PCDHA6: variants seen among roughly 807,000 people sequenced by gnomAD.
PCDHA6 encodes the protein protocadherin alpha-6.
A neutral mutation model predicts 60.3 loss-of-function variants in PCDHA6; 55 were observed. That is an observed-to-expected ratio of 0.91 (90% confidence interval 0.73 to 1.14). The LOEUF (loss-of-function observed/expected upper bound fraction) is 1.14, where lower values mean the gene tolerates loss of function less well. Among genes scored for constraint, PCDHA6 ranks in the 50% most tolerant of loss-of-function variants. The probability of loss-of-function intolerance (pLI) is 0.00; values close to 1 mark genes in which losing one functional copy is unlikely to be tolerated. For synonymous variants in PCDHA6, 652 were observed against 557.9 expected, an observed-to-expected ratio of 1.17 and a Z score of -2.38; for missense variants, 1,327 against 1,256.5, an observed-to-expected ratio of 1.06 and a Z score of -0.85.
At chr5:140,863,799 G>A (rs1246230954) in intron 1 of PCDHA6, 10 of 212,460 alleles carry the variant, frequency 4.7e-5, no homozygotes, top group Non-Finnish European at 8.6e-5. Context: ...AGGAGTTTGA[G>A]ACCAGCCTGG....
chr5:140,848,667 G>A lies in PCDHA6; in HGVS notation c.2394+18182G>A, dbSNP rs1173870910. On this transcript the variant is annotated intron_variant, in intron 1 of 3. Coordinates refer to ENST00000529310, the MANE Select transcript of PCDHA6 (RefSeq NM_018909.4). ...GCAGGACCTGGGGCTGGAGCTGGCG[G>A]AGCTGGTGCCGCGCCTGTTCCAGTT... The A allele has an allele frequency of 1.0e-5, 16 of 1,592,228 alleles. No individual in the cohort carries two copies. Among genetic ancestry groups the A allele is most frequent in the Non-Finnish European group, 1.3e-5 (15 of 1,163,428 alleles).
Position 140,978,951 on chromosome 5 carries a change from A to G in PCDHA6, c.2397A>G (p.Pro799=). Residue 799 remains proline, a splice_region_variant and synonymous_variant, in exon 2 of 4, where the codon CCA becomes CCG. Coordinates refer to ENST00000529310, the MANE Select transcript of PCDHA6 (RefSeq NM_018909.4). ...QDLNEDHDAK[P]RQPNPDWRYS... ...AAACTCTCTTTGTGATTTTGCAGCC[A>G]CGACAGCCCAACCCTGACTGGCGTT... is the stretch of plus-strand genomic sequence containing the variant. 1.2e-6 allele frequency: 2 copies of G among 1,614,182 alleles called. No homozygotes were observed. The highest frequency in any genetic ancestry group is 1.7e-6 in the Non-Finnish European group (2 of 1,180,032).
rs782451974 is a variant in PCDHA6, at chr5:141,009,822, T to A, written c.2738T>A (p.Phe913Tyr). 6.2e-7 allele frequency: 1 copy of A among 1,613,720 alleles called. No individual in the cohort carries two copies. The highest frequency in any genetic ancestry group is 2.2e-5 in the East Asian group (1 of 44,866). Residue 913 changes from phenylalanine (F) to tyrosine (Y), a missense_variant, in exon 4 of 4, where the codon TTC (phenylalanine) becomes TAC (tyrosine). Physicochemically the swap from Phe to Tyr is conservative, Grantham distance 22. Transcript: ENST00000529310. ...AACAGCCAAATTGACAAAAGTGACTTCATAACCTTCGGCAAAAAGGAGGAG... is the reference window on the plus strand; with the variant it reads ...AACAGCCAAATTGACAAAAGTGACTACATAACCTTCGGCAAAAAGGAGGAG... ...PTNSQIDKSDFITFGKKEETK... is the reference protein window; with the variant it reads ...PTNSQIDKSDYITFGKKEETK...
At chr5:141,008,435 G>C (rs2098377041) in intron 3 of PCDHA6, among the ~76,000 whole-genome samples, 1 of 152,160 alleles carries the variant, frequency 6.6e-6, no homozygotes, top group South Asian at 2.1e-4. Context: ...ACTTTGCCCA[G>C]ACAGACCATT....
In PCDHA6 at chr5:140,875,579, A is replaced by C. The variant is rs552791418; in HGVS notation, c.2394+45094A>C. ...AGCGGCCAGCTCCACTACTCCGTCTACGAGGAGGCCAAACACGGCACCTTC... is the reference window on the plus strand; with the variant it reads ...AGCGGCCAGCTCCACTACTCCGTCTCCGAGGAGGCCAAACACGGCACCTTC... On this transcript the variant is annotated intron_variant, in intron 1 of 3. Coordinates refer to ENST00000529310, the MANE Select transcript of PCDHA6 (RefSeq NM_018909.4). The C allele has an allele frequency of 9.3e-6, 15 of 1,614,050 alleles. No individual in the cohort carries two copies. Among genetic ancestry groups the C allele is most frequent in the East Asian group, 6.7e-5 (3 of 44,884 alleles).
intron 1 of PCDHA6, among the ~76,000 whole-genome samples, chr5:140,873,139 A>G (rs1325307438): frequency 6.6e-6 from 1 of 152,216 alleles, no homozygotes; most frequent in Non-Finnish European, 1.5e-5. Context: ...TCTATGCTGA[A>G]GCCTATTCAT....
chr5:140,858,108 C>T (rs781859966), intron 1 of PCDHA6: 1 of 1,597,706 alleles, frequency 6.3e-7, no homozygotes, highest in South Asian at 1.1e-5. Context: ...GGCGTGGCGC[C>T]CGAGGTGGCC....
intron 1 of PCDHA6, chr5:140,866,771 G>T (rs1274249290): frequency 2.0e-5 from 3 of 152,268 alleles, no homozygotes; most frequent in Non-Finnish European, 2.9e-5. Flanking sequence ...CAGGCAGATT[G>T]TATGTCCTGA....
At chr5:140,886,680 G>T (rs1554182653) in intron 1 of PCDHA6, among the ~76,000 whole-genome samples, 1 of 151,946 alleles carries the variant, frequency 6.6e-6, no homozygotes, top group Non-Finnish European at 1.5e-5. Context: ...ACAAAAATTA[G>T]CGAGGCATGG....
intron 1 of PCDHA6, among the ~76,000 whole-genome samples, chr5:140,934,475 A>G (rs1554209923): frequency 6.6e-6 from 1 of 152,172 alleles, no homozygotes; most frequent in African/African-American, 2.4e-5. Context: ...ATTATTTTGA[A>G]AATTATATTC....
At chr5:140,960,162 C>T (rs782387212) in intron 1 of PCDHA6, among the ~76,000 whole-genome samples, 3 of 152,064 alleles carry the variant, frequency 2.0e-5, no homozygotes, top group Non-Finnish European at 4.4e-5. Context: ...ACTGATAATA[C>T]AATTCTTAAG....
chr5:140,931,175 G>A (rs1321525314), intron 1 of PCDHA6, among the ~76,000 whole-genome samples: 2 of 152,138 alleles, frequency 1.3e-5, no homozygotes, highest in Non-Finnish European at 2.9e-5. Flanking sequence ...TAATTTTAGG[G>A]AAGGAAATTG....
At chr5:140,888,277 C>G (rs923275306) in intron 1 of PCDHA6, among the ~76,000 whole-genome samples, 1 of 151,972 alleles carries the variant, frequency 6.6e-6, no homozygotes, top group Non-Finnish European at 1.5e-5. Context: ...ACAGTTTTGT[C>G]CCCTCTACCC....
Position 140,850,846 on chromosome 5 carries a change from A to G in PCDHA6, c.2394+20361A>G, listed in dbSNP as rs1183689960. 8 of 1,596,424 alleles carry G rather than the reference A, an allele frequency of 5.0e-6. 2 individuals carry two copies. Among genetic ancestry groups the G allele is most frequent in the Non-Finnish European group, 6.0e-6 (7 of 1,166,358 alleles). On this transcript the variant is annotated intron_variant, in intron 1 of 3. Coordinates refer to ENST00000529310, the MANE Select transcript of PCDHA6 (RefSeq NM_018909.4). ...CTTTCTCCTTGTGCTGGATCTACAG[A>G]GCGAACGGGAGAACCCTCTGCTTCC...
intron 1 of PCDHA6, chr5:140,966,895 G>T: frequency 6.3e-7 from 1 of 1,596,682 alleles, no homozygotes. Flanking sequence ...CGGCCTCCCA[G>T]CTGCGATACT....
chr5:140,992,436 G>A (rs782486395), intron 3 of PCDHA6, among the ~76,000 whole-genome samples: 10 of 152,186 alleles, frequency 6.6e-5, no homozygotes, highest in Non-Finnish European at 1.3e-4. Flanking sequence ...TGTTCCAAGA[G>A]TTGGGAGCAG....
chr5:140,896,536 CT>C (rs34213614), intron 1 of PCDHA6, among the ~76,000 whole-genome samples: 112 of 145,476 alleles, frequency 7.7e-4, no homozygotes, highest in Admixed American at 9.6e-4. Flanking sequence ...AGCTATTTTT[CT>C]TTTTTTTTTT....
At chr5:140,871,709 C>A in intron 1 of PCDHA6, 6 of 829,698 alleles carry the variant, frequency 7.2e-6, no homozygotes, top group Non-Finnish European at 1.1e-5. Flanking sequence ...CAATAAATGT[C>A]CTATTTCTCT....
At chr5:140,956,003 C>T (rs2153708657) in intron 1 of PCDHA6, among the ~76,000 whole-genome samples, 1 of 152,232 alleles carries the variant, frequency 6.6e-6, no homozygotes, top group East Asian at 1.9e-4. Flanking sequence ...ATTTTGTATC[C>T]TGAGACTTTG....
Sources: gnomAD v4.1 joint callset for allele counts (sites outside exome capture counted in the v4.1 genomes callset) on GRCh38, gnomAD v4.1.1 for gene constraint, MANE v1.5 for transcripts, NCBI Gene and HGNC (gene_info 2026-07-23, HGNC 2026-07-21) for gene names.